SGCD: variants seen among roughly 807,000 people sequenced by gnomAD.
The protein encoded by SGCD is delta-sarcoglycan.
In SGCD, 18 loss-of-function variants were observed where a neutral mutation model predicts 36.6. The ratio of observed to expected loss-of-function variants is 0.49; its 90% CI spans 0.34 to 0.73. The LOEUF (loss-of-function observed/expected upper bound fraction) is 0.73, where lower values mean the gene tolerates loss of function less well. Among genes scored for constraint, SGCD ranks in the 30% least tolerant of loss-of-function variants. The pLI is 0.01. For missense variants in SGCD, 387 were observed against 346.7 expected, an observed-to-expected ratio of 1.12 and a Z score of -0.92; for synonymous variants, 133 against 130.6, an observed-to-expected ratio of 1.02 and a Z score of -0.12.
At chr5:156,524,049 G>C (rs1441629774) in intron 4 of SGCD, among the ~76,000 whole-genome samples, 1 of 133,800 alleles carries the variant, frequency 7.5e-6, no homozygotes, top group African/African-American at 2.8e-5. Context: ...TTCACTTAAA[G>C]TGGCAGTTTC....
chr5:156,219,612 GA>G (rs1312016482), intron 3 of SGCD, among the ~76,000 whole-genome samples: 3 of 152,136 alleles, frequency 2.0e-5, no homozygotes, highest in Non-Finnish European at 4.4e-5. Flanking sequence ...GCTTCATTGA[GA>G]AGTGGCTGTA....
chr5:156,411,488 G>GA (rs1772750151), intron 3 of SGCD, among the ~76,000 whole-genome samples: 1 of 152,180 alleles, frequency 6.6e-6, no homozygotes, highest in Non-Finnish European at 1.5e-5. Context: ...CTGTTCAGTG[G>GA]AAAGAAAGTG....
intron 1 of SGCD, among the ~76,000 whole-genome samples, chr5:156,083,503 C>G (rs1761014626): frequency 1.3e-5 from 2 of 151,258 alleles, no homozygotes; most frequent in Admixed American, 1.3e-4. Context: ...CCGTGTTGGT[C>G]AGGTTGGTCT....
At chr5:156,229,239 CAT>C (rs1205810694) in intron 3 of SGCD, among the ~76,000 whole-genome samples, 36 of 103,822 alleles carry the variant, frequency 3.5e-4, no homozygotes, top group South Asian at 1.2e-3. Context: ...CATATACATA[CAT>C]ATATATATAT....
intron 1 of SGCD, among the ~76,000 whole-genome samples, chr5:155,921,558 T>C (rs1345404015): frequency 1.4e-5 from 2 of 147,458 alleles, no homozygotes; most frequent in Non-Finnish European, 3.0e-5. Context: ...TCTTTCTTTC[T>C]CTGGAAAGAA....
the SGCD span, among the ~76,000 whole-genome samples, chr5:155,822,584 C>T: frequency 1.3e-5 from 2 of 152,116 alleles, no homozygotes; most frequent in African/African-American, 4.8e-5. Flanking sequence ...GGCAGTTGTC[C>T]AGATAATCCC....
At chr5:155,993,840 C>T (rs1477489302) in intron 1 of SGCD, among the ~76,000 whole-genome samples, 2 of 152,124 alleles carry the variant, frequency 1.3e-5, no homozygotes, top group Admixed American at 6.5e-5. Context: ...AAGTGCACAG[C>T]GTTTTTATGA....
At chr5:155,799,055 T>C in the SGCD span, among the ~76,000 whole-genome samples, 1 of 152,234 alleles carries the variant, frequency 6.6e-6, no homozygotes, top group Non-Finnish European at 1.5e-5. Flanking sequence ...CAAGGCATCA[T>C]TGCAGTTTAT....
At chr5:155,957,547 T>C (rs4704749) in intron 1 of SGCD, among the ~76,000 whole-genome samples, 39,415 of 151,968 alleles carry the variant, frequency 0.26, 6,034 homozygotes, top group Admixed American at 0.4. Context: ...TATATCCTCT[T>C]TGTTTCAGCT....
intron 3 of SGCD, among the ~76,000 whole-genome samples, chr5:156,145,130 G>T (rs951140711): frequency 6.6e-6 from 1 of 152,154 alleles, no homozygotes; most frequent in South Asian, 2.1e-4. Flanking sequence ...TGAGTCATGG[G>T]GGTGGATCCT....
intron 7 of SGCD, among the ~76,000 whole-genome samples, chr5:156,683,221 T>C (rs529495793): frequency 4.6e-5 from 7 of 152,304 alleles, no homozygotes; most frequent in Non-Finnish European, 7.4e-5. Flanking sequence ...TAAGATTTTA[T>C]TGAGTTGATA....
chr5:156,128,292 G>T (rs1762229148), intron 3 of SGCD, among the ~76,000 whole-genome samples: 1 of 152,180 alleles, frequency 6.6e-6, no homozygotes, highest in South Asian at 2.1e-4. Flanking sequence ...TGGTAGAATT[G>T]TGTAATGTTC....
chr5:156,557,864 C>T (rs963839385), intron 4 of SGCD, among the ~76,000 whole-genome samples: 7 of 151,846 alleles, frequency 4.6e-5, no homozygotes, highest in African/African-American at 1.7e-4. Context: ...AACTTAATAT[C>T]TAAAATTACC....
At chr5:155,849,415 C>A in the SGCD span, among the ~76,000 whole-genome samples, 2 of 151,694 alleles carry the variant, frequency 1.3e-5, no homozygotes, top group South Asian at 2.1e-4. Context: ...ACACCCACCA[C>A]CCCCCTCCAC....
chr5:156,406,855 T>C (rs1772459013), intron 3 of SGCD, among the ~76,000 whole-genome samples: 3 of 140,460 alleles, frequency 2.1e-5, no homozygotes, highest in Middle Eastern at 3.7e-3. Flanking sequence ...TATATGTGTA[T>C]ATATATTAGT....
intron 7 of SGCD, among the ~76,000 whole-genome samples, chr5:156,700,924 T>C (rs1404470241): frequency 4.9e-5 from 6 of 122,258 alleles, no homozygotes; most frequent in Admixed American, 9.8e-5. Context: ...GCCTGGGCAA[T>C]GGAGTGAGAC....
At chr5:156,477,803 C>A (rs1205728470) in intron 3 of SGCD, among the ~76,000 whole-genome samples, 2 of 151,840 alleles carry the variant, frequency 1.3e-5, no homozygotes, top group African/African-American at 4.8e-5. Context: ...TAAAATTTTC[C>A]TTTCAATCTA....
the SGCD span, among the ~76,000 whole-genome samples, chr5:155,789,426 G>C: frequency 3.9e-5 from 6 of 152,040 alleles, no homozygotes; most frequent in Non-Finnish European, 5.9e-5. Flanking sequence ...GATTAATGGA[G>C]ACCCTCTGGA....
At chr5:156,056,659 A>AAAAAAAAACAAAAAAC (rs1330447322) in intron 1 of SGCD, among the ~76,000 whole-genome samples, 1 of 141,888 alleles carries the variant, frequency 7.0e-6, no homozygotes, top group African/African-American at 2.6e-5. Flanking sequence ...AAAAAAAAAA[A>AAAAAAAAACAAAAAAC]AAAAAACAGT....
Sources: gnomAD v4.1 joint callset for allele counts (sites outside exome capture counted in the v4.1 genomes callset) on GRCh38, gnomAD v4.1.1 for gene constraint, MANE v1.5 for transcripts, NCBI Gene and HGNC (gene_info 2026-07-23, HGNC 2026-07-21) for gene names.